Variants in AKAP9 observed in about 807,000 individuals in gnomAD.
The protein encoded by AKAP9 is A-kinase anchor protein 9.
Under a neutral mutation model 488.5 loss-of-function variants are expected in AKAP9, and 311 were observed. The observed-to-expected ratio is 0.64, with a 90% confidence interval of 0.58 to 0.70. The LOEUF is 0.70. Ranked by LOEUF, AKAP9 falls within the 30% of genes least tolerant of loss-of-function variation. The pLI, the probability that AKAP9 is intolerant of heterozygous loss-of-function variation, is 0.00. For synonymous variants in AKAP9, 1,462 were observed against 1,483.5 expected (o/e 0.99, Z 0.33); for missense variants, 4,215 against 4,374.5 (o/e 0.96, Z 1.03).
chr7:91,967,539 T>C (rs1467130118), intron 1 of AKAP9, among the ~76,000 whole-genome samples: 4 of 152,240 alleles, frequency 2.6e-5, no homozygotes, highest in South Asian at 4.1e-4. Flanking sequence ...AAATTTTTTT[T>C]CAGCGTTAAT....
intron 28 of AKAP9, among the ~76,000 whole-genome samples, chr7:92,073,042 T>C (rs924243112): frequency 2.6e-5 from 4 of 152,160 alleles, no homozygotes; most frequent in African/African-American, 9.7e-5. Flanking sequence ...CATTTTGTCT[T>C]GTTGGTGAGA....
At chr7:92,088,681 T>C (rs1326671366) in intron 37 of AKAP9, among the ~76,000 whole-genome samples, 1 of 152,170 alleles carries the variant, frequency 6.6e-6, no homozygotes, top group African/African-American at 2.4e-5. Context: ...GTTGGTACTC[T>C]GATGGTAGTG....
intron 33 of AKAP9, 57 bp from the exon 34 acceptor site, chr7:92,084,583 T>C (rs1814170103): frequency 7.9e-7 from 1 of 1,259,780 alleles, no homozygotes; most frequent in African/African-American, 1.5e-5. Context: ...AATAATTCAT[T>C]GTATTCTATT....
At chr7:92,006,474 G>C (rs138443550) in intron 8 of AKAP9, among the ~76,000 whole-genome samples, 8 of 152,234 alleles carry the variant, frequency 5.3e-5, no homozygotes, top group African/African-American at 1.7e-4. Context: ...CTGTACTAAA[G>C]AGATACTAAA....
Position 92,001,052 on chromosome 7 carries a change from G to A in AKAP9, c.1135G>A (p.Glu379Lys). The A allele has an allele frequency of 6.2e-7, 1 of 1,607,258 alleles. No individual in the cohort carries two copies. Residue 379 changes from glutamate to lysine, a missense_variant, in exon 8 of 50, where the codon GAG becomes AAG. Coordinates refer to ENST00000356239, the MANE Select transcript of AKAP9 (RefSeq NM_005751.5). ...CCAAGAAATAAAAAACATGAAATTA[G>A]AGCTGACTAATTCTAAGCAAAAAGA... The part of the protein sequence containing the change: ...KNQEIKNMKL[E>K]LTNSKQKERQ...
intron 1 of AKAP9, among the ~76,000 whole-genome samples, chr7:91,969,181 T>A (rs1794764735): frequency 6.6e-6 from 1 of 152,166 alleles, no homozygotes; most frequent in Non-Finnish European, 1.5e-5. Flanking sequence ...TGAGCCACCA[T>A]GCCCAGCAGG....
Position 92,001,357 on chromosome 7 carries a change from T to C in AKAP9, c.1440T>C (p.Asn480=). Residue 480 remains asparagine, a synonymous_variant, in exon 8 of 50, where the codon AAT becomes AAC. Coordinates refer to ENST00000356239, the MANE Select transcript of AKAP9 (RefSeq NM_005751.5). ...AGAATGCTTTAAGGTCATATTCAAA[T>C]ATTACAGTTAATGAAGATCAGATAA... ...EMENALRSYS[N]ITVNEDQIKL... is the part of the protein sequence containing the mutation. 1.2e-6 allele frequency: 2 copies of C among 1,613,684 alleles called. No individual in the cohort carries two copies. The highest frequency in any genetic ancestry group is 1.7e-6 in the Non-Finnish European group (2 of 1,179,704).
chr7:91,943,768 C>T (rs139030046), intron 1 of AKAP9, among the ~76,000 whole-genome samples: 3 of 152,284 alleles, frequency 2.0e-5, no homozygotes, highest in East Asian at 3.9e-4. Flanking sequence ...TTTCCTAGCA[C>T]GGTTGTAATT....
At chr7:92,074,545 A>G (rs537615068) in intron 28 of AKAP9, among the ~76,000 whole-genome samples, 232 of 152,338 alleles carry the variant, frequency 1.5e-3, no homozygotes, top group Non-Finnish European at 3.0e-3. Context: ...TCATTCTACT[A>G]TAAAGATACA....
In AKAP9 at chr7:91,996,804, A is replaced by G. The variant is rs560768901; in HGVS notation, c.930+1004A>G. On this transcript the variant is annotated intron_variant, in intron 7 of 49. Coordinates refer to ENST00000356239, the MANE Select transcript of AKAP9 (RefSeq NM_005751.5). ...GAGGTTGAGAAATTACCAAGACAAGAATATTGCTTGGATGATAATAATAAT... is the reference window on the plus strand; with the variant it reads ...GAGGTTGAGAAATTACCAAGACAAGGATATTGCTTGGATGATAATAATAAT... Among the ~76,000 whole-genome samples the G allele has an allele frequency of 2.6e-5, 4 of 152,336 alleles. No individual in the cohort carries two copies. The South Asian group carries it at 8.3e-4, about 32-fold the overall frequency.
chr7:91,988,532 G>A (rs1797383150), intron 3 of AKAP9, among the ~76,000 whole-genome samples: 1 of 152,110 alleles, frequency 6.6e-6, no homozygotes, highest in Non-Finnish European at 1.5e-5. Context: ...TCACTGCAAT[G>A]CCATATTTGC....
intron 3 of AKAP9, among the ~76,000 whole-genome samples, chr7:91,989,991 G>A (rs1054504315): frequency 2.0e-5 from 3 of 152,070 alleles, no homozygotes; most frequent in Non-Finnish European, 4.4e-5. Flanking sequence ...GTTATGATGT[G>A]ATACCTCTAT....
intron 1 of AKAP9, among the ~76,000 whole-genome samples, chr7:91,958,733 G>A (rs1381752694): frequency 6.6e-6 from 1 of 152,102 alleles, no homozygotes; most frequent in Non-Finnish European, 1.5e-5. Flanking sequence ...TAATGATTTT[G>A]AATAGTTTGT....
intron 37 of AKAP9, among the ~76,000 whole-genome samples, chr7:92,088,980 A>G (rs568404359): frequency 6.6e-6 from 1 of 152,230 alleles, no homozygotes; most frequent in Non-Finnish European, 1.5e-5. Flanking sequence ...TGAGGAACGT[A>G]CAACAAAATA....
chr7:92,070,516 C>T (rs1274193595), intron 27 of AKAP9, among the ~76,000 whole-genome samples: 2 of 152,048 alleles, frequency 1.3e-5, no homozygotes, highest in African/African-American at 4.8e-5. Flanking sequence ...CTTACCACAA[C>T]CTCCACCTCC....
chr7:92,102,617 G>A lies in AKAP9; in HGVS notation c.11121G>A (p.Arg3707=), dbSNP rs1380197704. Reference sequence around the variant, plus strand: ...AGAGAATTTATGGTAAATACTTGAGGGCAGAAAGTTTTCGAAAGGCTCTCA... The same window carrying A: ...AGAGAATTTATGGTAAATACTTGAGAGCAGAAAGTTTTCGAAAGGCTCTCA... The part of the protein sequence containing the change: ...TLKRIYGKYL[R]AESFRKALIY... The change falls in exon 46 of 50, where the codon AGG becomes AGA. Residue 3707 remains arginine, a synonymous_variant. Transcript: ENST00000356239. The A allele has an allele frequency of 1.9e-6, 3 of 1,613,918 alleles. No individual in the cohort carries two copies. Among genetic ancestry groups the A allele is most frequent in the Non-Finnish European group, 2.5e-6 (3 of 1,179,998 alleles).
chr7:92,101,927 TGGGTG>T (rs937887391), intron 45 of AKAP9, among the ~76,000 whole-genome samples: 4 of 151,682 alleles, frequency 2.6e-5, no homozygotes, highest in Non-Finnish European at 5.9e-5. Flanking sequence ...GAGGCCAAGG[TGGGTG>T]GATCACTGAG....
chr7:92,004,073 T>G (rs78471533), intron 8 of AKAP9, among the ~76,000 whole-genome samples: 2,187 of 152,248 alleles, frequency 0.014, 46 homozygotes, highest in African/African-American at 0.049. Flanking sequence ...TGAGAAATAG[T>G]GATAAATTCT....
In AKAP9 at chr7:92,035,819, A is replaced by G. The variant is rs184118142; in HGVS notation, c.4339-2600A>G. Among the ~76,000 whole-genome samples the G allele has an allele frequency of 1.5e-3, 233 of 152,170 alleles. No homozygotes were observed. The Middle Eastern group carries it at 0.027, about 18-fold the overall frequency. On this transcript the variant is annotated intron_variant, in intron 16 of 49. Coordinates refer to ENST00000356239, the MANE Select transcript of AKAP9 (RefSeq NM_005751.5). The stretch of plus-strand genomic sequence containing the variant: ...GGGAGAAGCAGGCTGTAGTGGGCTT[A>G]TTTTATGTTGCCTGGAAGCACAGTC...
Sources: gnomAD v4.1 joint callset for allele counts (sites outside exome capture counted in the v4.1 genomes callset) on GRCh38, gnomAD v4.1.1 for gene constraint, MANE v1.5 for transcripts, NCBI Gene and HGNC (gene_info 2026-07-23, HGNC 2026-07-21) for gene names.